The following PRKAG2 variants were observed in gnomAD, a reference collection of about 807,000 sequenced individuals.
PRKAG2 encodes the protein 5'-AMP-activated protein kinase subunit gamma-2.
PRKAG2 carries 26 observed loss-of-function variants against 69.6 expected under a neutral mutation model. The observed-to-expected ratio is 0.37, with a 90% CI of 0.27 to 0.52. The LOEUF (loss-of-function observed/expected upper bound fraction) is 0.52. PRKAG2 is among the 20% of genes least tolerant of loss of function. The pLI, the probability that PRKAG2 is intolerant of heterozygous loss-of-function variation, is 0.90. For synonymous variants in PRKAG2, 293 were observed against 285.0 expected (o/e 1.03, Z -0.28); for missense variants, 557 against 740.0 (o/e 0.75, Z 2.87).
At chr7:151,596,214 A>G (rs1168022450) in intron 5 of PRKAG2, among the ~76,000 whole-genome samples, 1 of 152,188 alleles carries the variant, frequency 6.6e-6, no homozygotes, top group Non-Finnish European at 1.5e-5. Context: ...AATCTTATAT[A>G]TGGAAAACCC....
At chr7:151,864,172 G>C (rs780800055) in intron 1 of PRKAG2, among the ~76,000 whole-genome samples, 1 of 152,150 alleles carries the variant, frequency 6.6e-6, no homozygotes, top group Non-Finnish European at 1.5e-5. Flanking sequence ...TCAAGAGCAG[G>C]CATCTCAGGC....
intron 4 of PRKAG2, among the ~76,000 whole-genome samples, chr7:151,655,437 T>G (rs1375583807): frequency 1.3e-5 from 2 of 152,184 alleles, no homozygotes; most frequent in Non-Finnish European, 2.9e-5. Context: ...CCACAGCTGC[T>G]TGGTGGCTTG....
At chr7:151,610,170 C>T (rs1818431504) in intron 5 of PRKAG2, among the ~76,000 whole-genome samples, 1 of 152,072 alleles carries the variant, frequency 6.6e-6, no homozygotes, top group South Asian at 2.1e-4. Context: ...TCGAGACCAT[C>T]CTGGCTAACA....
chr7:151,704,856 C>A (rs191844806), intron 3 of PRKAG2, among the ~76,000 whole-genome samples: 2 of 152,160 alleles, frequency 1.3e-5, no homozygotes, highest in African/African-American at 4.8e-5. Flanking sequence ...GGCTGCTCAG[C>A]GGTGCGGCAG....
In PRKAG2 at chr7:151,875,147, G is replaced by A. The variant is rs1283333635; in HGVS notation, c.114+1360C>T. Among the ~76,000 whole-genome samples, 5 of 152,222 alleles carry A rather than the reference G, an allele frequency of 3.3e-5. No individual in the cohort carries two copies. The East Asian group carries it at 9.6e-4, about 29-fold the overall frequency. On this transcript the variant is annotated intron_variant, in intron 1 of 15. Transcript: ENST00000287878. The stretch of plus-strand genomic sequence containing the variant: ...ATTTTCAAATAGAACACTTATTCCT[G>A]CATAATCGAGTCACCACCGTGGGGG...
At chr7:151,870,154 T>TAGATAGATAGGCAGGCAGGCAGGCAGGC (rs1159760978) in intron 1 of PRKAG2, among the ~76,000 whole-genome samples, 3 of 138,438 alleles carry the variant, frequency 2.2e-5, no homozygotes, top group African/African-American at 8.3e-5. Flanking sequence ...GATAGATAGA[T>TAGATAGATAGGCAGGCAGGCAGGCAGGC]AGGCAGGCAG....
chr7:151,691,409 T>G (rs1239604337), intron 3 of PRKAG2, among the ~76,000 whole-genome samples: 1 of 150,202 alleles, frequency 6.7e-6, no homozygotes, highest in Non-Finnish European at 1.5e-5. Flanking sequence ...AAAACACATA[T>G]ATGATAAAGG....
intron 3 of PRKAG2, among the ~76,000 whole-genome samples, chr7:151,761,673 C>A (rs181571714): frequency 6.6e-6 from 1 of 152,344 alleles, no homozygotes; most frequent in East Asian, 1.9e-4. Flanking sequence ...CATGGCATGA[C>A]CGGACTCATG....
intron 1 of PRKAG2, among the ~76,000 whole-genome samples, chr7:151,861,021 C>T (rs927840209): frequency 2.0e-5 from 3 of 152,196 alleles, no homozygotes; most frequent in African/African-American, 7.2e-5. Context: ...AAGTTCCTGG[C>T]ACGTGGACCA....
intron 6 of PRKAG2, among the ~76,000 whole-genome samples, chr7:151,577,280 C>T (rs1809187725): frequency 6.6e-6 from 1 of 152,140 alleles, no homozygotes; most frequent in South Asian, 2.1e-4. Flanking sequence ...CAGGCACTAA[C>T]ATATCATATC....
chr7:151,781,355 G>A lies in PRKAG2; in HGVS notation c.263C>T (p.Pro88Leu). Residue 88 changes from proline (P) to leucine (L), a missense_variant, in exon 3 of 16, where the codon CCC becomes CTC. By Grantham distance (98) the Pro-to-Leu change is moderately conservative. Around this residue, in one of 2 missense-constraint regions of PRKAG2, gnomAD observed 352 missense variants for 356.7 expected, o/e 0.99. Transcript: ENST00000287878. This position sits in a 1 kb window ranked among gnomAD's most constrained non-coding sequence, Gnocchi z 6.1. ...CTTGGGCCTCACAGGTGCAGACATG[G>A]GGCTGGAGGGCCGGGGCTGGGGGCC... ...SRGPQPRPSS[P>L]MSAPVRPKTS... 1 of 1,613,708 alleles carries A rather than the reference G, an allele frequency of 6.2e-7. No individual in the cohort carries two copies. Among genetic ancestry groups the A allele is most frequent in the African/African-American group, 1.3e-5 (1 of 75,034 alleles).
At chr7:151,784,072 G>A (rs2076873964) in intron 2 of PRKAG2, among the ~76,000 whole-genome samples, 1 of 152,150 alleles carries the variant, frequency 6.6e-6, no homozygotes, top group African/African-American at 2.4e-5. Flanking sequence ...CTGGTCCTGG[G>A]TGGAGGCCCG....
chr7:151,672,205 G>A (rs1323829661), intron 4 of PRKAG2, among the ~76,000 whole-genome samples: 1 of 151,976 alleles, frequency 6.6e-6, no homozygotes, highest in Non-Finnish European at 1.5e-5. Context: ...GCGTTCAAGC[G>A]ATTCCCCTGC....
Position 151,766,654 on chromosome 7 carries a change from G to A in PRKAG2, c.466+14498C>T, listed in dbSNP as rs1411447403. Among the ~76,000 whole-genome samples, 3 of 152,334 alleles carry A rather than the reference G, an allele frequency of 2.0e-5. No homozygotes were observed. In the East Asian group the frequency reaches 5.8e-4, roughly 29 times the overall value. The stretch of plus-strand genomic sequence containing the variant: ...GTGTTTCAAGAAAAAGGTGTCAGAG[G>A]ACTGCAAGTTCACAGACACCTGAAG... On this transcript the variant is annotated intron_variant, in intron 3 of 15. Coordinates refer to ENST00000287878, the MANE Select transcript of PRKAG2 (RefSeq NM_016203.4).
chr7:151,593,033 C>T (rs1412075457), intron 6 of PRKAG2, among the ~76,000 whole-genome samples: 1 of 152,192 alleles, frequency 6.6e-6, no homozygotes. Flanking sequence ...CTCTTAATTA[C>T]GGAAGTGATA....
chr7:151,677,225 C>T (rs1433616531), intron 3 of PRKAG2, among the ~76,000 whole-genome samples: 8 of 151,940 alleles, frequency 5.3e-5, no homozygotes, highest in Non-Finnish European at 1.2e-4. Flanking sequence ...TCACTCTTGT[C>T]GCCCAGGCTG....
chr7:151,560,867 C>T (rs530918144), intron 14 of PRKAG2, among the ~76,000 whole-genome samples: 6 of 152,114 alleles, frequency 3.9e-5, no homozygotes, highest in East Asian at 1.9e-4. Context: ...GGGCCAAGAT[C>T]GCACCAGTGC....
At chr7:151,601,521 G>A (rs968029306) in intron 5 of PRKAG2, among the ~76,000 whole-genome samples, 2 of 152,122 alleles carry the variant, frequency 1.3e-5, no homozygotes, top group Non-Finnish European at 2.9e-5. Context: ...TCAAAAGAAA[G>A]GGTGCCCAGT....
At chr7:151,725,967 GT>G (rs1294802938) in intron 3 of PRKAG2, among the ~76,000 whole-genome samples, 2 of 152,166 alleles carry the variant, frequency 1.3e-5, no homozygotes, top group African/African-American at 4.8e-5. Flanking sequence ...GGTATAAGGA[GT>G]TGCTATAGCG....
Sources: allele counts gnomAD v4.1 joint callset (sites outside exome capture counted in the v4.1 genomes callset), GRCh38; gene constraint gnomAD v4.1.1; regional missense constraint gnomAD v4.1.1; non-coding constraint Gnocchi (gnomAD v3.1); transcripts MANE v1.5; gene names NCBI Gene and HGNC (gene_info 2026-07-23, HGNC 2026-07-21).